Variants in TBX15 observed in about 807,000 individuals in gnomAD.
TBX15 encodes the protein T-box transcription factor TBX15.
TBX15 carries 18 observed loss-of-function variants against 53.9 expected under a neutral mutation model. The ratio of observed to expected loss-of-function variants is 0.33; its 90% CI spans 0.23 to 0.49. The LOEUF (loss-of-function observed/expected upper bound fraction) is 0.49, where lower values mean the gene tolerates loss of function less well. Among genes scored for constraint, TBX15 ranks in the 20% least tolerant of loss-of-function variants. The pLI is 0.98. For synonymous variants in TBX15, 295 were observed against 278.0 expected (o/e 1.06, Z -0.61); for missense variants, 692 against 749.5 (o/e 0.92, Z 0.90).
intron 7 of TBX15, among the ~76,000 whole-genome samples, chr1:118,892,596 C>A (rs1654185077): frequency 6.6e-6 from 1 of 152,120 alleles, no homozygotes; most frequent in Non-Finnish European, 1.5e-5. Context: ...ATGGTGTGAT[C>A]TTGTGGGAAT....
intron 1 of TBX15, among the ~76,000 whole-genome samples, chr1:118,952,894 T>G (rs1656563185): frequency 6.6e-6 from 1 of 152,176 alleles, no homozygotes; most frequent in Admixed American, 6.5e-5. Flanking sequence ...AAAACTGTTG[T>G]CAGCCAAGTG....
At chr1:118,982,395 A>T (rs1420464348) in intron 1 of TBX15, among the ~76,000 whole-genome samples, 1 of 152,224 alleles carries the variant, frequency 6.6e-6, no homozygotes, top group East Asian at 1.9e-4. Context: ...TGGACCGGAA[A>T]TATTTCACTC....
chr1:118,923,156 C>T (rs1158553735), intron 5 of TBX15, among the ~76,000 whole-genome samples: 1 of 151,862 alleles, frequency 6.6e-6, no homozygotes, highest in Non-Finnish European at 1.5e-5. Flanking sequence ...GTTTTACTAT[C>T]TAAGGAATTT....
chr1:118,960,905 G>T (rs1656850905), intron 1 of TBX15, among the ~76,000 whole-genome samples: 1 of 152,100 alleles, frequency 6.6e-6, no homozygotes, highest in Non-Finnish European at 1.5e-5. Context: ...CCATCCTCTT[G>T]GTGTGAGGGA....
At chr1:118,887,975 C>A (rs528518650) in intron 7 of TBX15, among the ~76,000 whole-genome samples, 4 of 152,282 alleles carry the variant, frequency 2.6e-5, no homozygotes, top group South Asian at 4.1e-4. Context: ...CCCCAATGAA[C>A]CTTCAAGGAA....
At chr1:118,894,133 G>T (rs970166467) in intron 7 of TBX15, among the ~76,000 whole-genome samples, 1 of 152,160 alleles carries the variant, frequency 6.6e-6, no homozygotes, top group Non-Finnish European at 1.5e-5. Context: ...GAACAACGTG[G>T]CAGGAAAGAG....
intron 1 of TBX15, among the ~76,000 whole-genome samples, chr1:118,932,596 G>A (rs938115337): frequency 1.3e-5 from 2 of 152,108 alleles, no homozygotes; most frequent in African/African-American, 4.8e-5. Context: ...GAGGGGAGGG[G>A]TGATCCAAAC....
intron 6 of TBX15, among the ~76,000 whole-genome samples, chr1:118,908,745 G>GTCTC (rs145625575): frequency 7.4e-5 from 11 of 149,118 alleles, no homozygotes; most frequent in African/African-American, 1.2e-4. Context: ...ACCTACTCCT[G>GTCTC]TCTCTCTCTC....
chr1:118,907,481 C>T (rs148871010), intron 6 of TBX15, among the ~76,000 whole-genome samples: 1 of 152,312 alleles, frequency 6.6e-6, no homozygotes, highest in African/African-American at 2.4e-5. Context: ...TTGGCAGCCA[C>T]CCTATCAAGG....
chr1:118,889,174 A>T (rs892089643), intron 7 of TBX15, among the ~76,000 whole-genome samples: 5 of 152,218 alleles, frequency 3.3e-5, no homozygotes, highest in Non-Finnish European at 7.3e-5. Context: ...GCTCTTGTGA[A>T]CATAAAGTAC....
intron 7 of TBX15, among the ~76,000 whole-genome samples, chr1:118,886,532 G>A (rs149049667): frequency 3.8e-4 from 58 of 152,194 alleles, no homozygotes; most frequent in African/African-American, 5.8e-4. Flanking sequence ...ATCCTACCTC[G>A]GATGAACTAA....
chr1:118,939,400 C>A (rs1656072532), intron 1 of TBX15, among the ~76,000 whole-genome samples: 1 of 51,356 alleles, frequency 1.9e-5, no homozygotes. Context: ...AGAATGAGAT[C>A]TAGTCTCAAA....
intron 6 of TBX15, among the ~76,000 whole-genome samples, chr1:118,902,741 C>A (rs1451783758): frequency 1.3e-5 from 2 of 152,114 alleles, no homozygotes; most frequent in Non-Finnish European, 2.9e-5. Context: ...AGTTCCCTTG[C>A]AGGGGTGAGT....
chr1:118,940,418 G>T (rs374105849), intron 1 of TBX15, among the ~76,000 whole-genome samples: 1 of 151,864 alleles, frequency 6.6e-6, no homozygotes, highest in Non-Finnish European at 1.5e-5. Context: ...TCACCCTTTT[G>T]CTTTAGCCTA....
intron 6 of TBX15, among the ~76,000 whole-genome samples, chr1:118,904,336 T>G (rs1237767610): frequency 8.5e-5 from 13 of 152,188 alleles, no homozygotes; most frequent in Non-Finnish European, 5.9e-5. Context: ...TCCATACTTC[T>G]TTCTCCTTCA....
At position 118,966,010 on chromosome 1, in the gene TBX15, T is replaced by C. The variant is rs1349556532; in HGVS notation, c.205+21581A>G. Among the ~76,000 whole-genome samples, 6 of 152,332 alleles carry C rather than the reference T, an allele frequency of 3.9e-5. No homozygotes were observed. The East Asian group carries it at 1.2e-3, about 29-fold the overall frequency. ...ACTAGGGATGGGAGATTGCTCTTTA[T>C]GCTTCTCACTGTTCATTTTGGGCTG... On this transcript the variant is annotated intron_variant, in intron 1 of 7. Coordinates refer to ENST00000369429, the MANE Select transcript of TBX15 (RefSeq NM_001330677.2).
chr1:118,985,429 G>A (rs1317500439), intron 1 of TBX15, among the ~76,000 whole-genome samples: 1 of 152,218 alleles, frequency 6.6e-6, no homozygotes, highest in Non-Finnish European at 1.5e-5. Context: ...GGAGCCGACA[G>A]CTCCACCTCT....
intron 5 of TBX15, among the ~76,000 whole-genome samples, chr1:118,918,450 C>G (rs1177854955): frequency 1.3e-5 from 2 of 152,062 alleles, no homozygotes; most frequent in African/African-American, 2.4e-5. Context: ...GCTCTTGATT[C>G]TATTTGCTTT....
chr1:118,983,373 C>G (rs1055481759), intron 1 of TBX15, among the ~76,000 whole-genome samples: 1 of 152,186 alleles, frequency 6.6e-6, no homozygotes, highest in Non-Finnish European at 1.5e-5. Context: ...GCCACCGCGC[C>G]GGGGCCGGAG....
Sources: gnomAD v4.1 joint callset for allele counts (sites outside exome capture counted in the v4.1 genomes callset) on GRCh38, gnomAD v4.1.1 for gene constraint, MANE v1.5 for transcripts, NCBI Gene and HGNC (gene_info 2026-07-23, HGNC 2026-07-21) for gene names.